Variants in R3HDM2 observed in about 807,000 individuals in gnomAD.
The protein encoded by R3HDM2 is R3H domain-containing protein 2.
Under a neutral mutation model 124.5 loss-of-function variants are expected in R3HDM2, and 38 were observed. The observed-to-expected ratio is 0.31, with a 90% CI of 0.24 to 0.40. The LOEUF (loss-of-function observed/expected upper bound fraction) is 0.40. Among genes scored for constraint, R3HDM2 ranks in the 10% least tolerant of loss-of-function variants. The pLI is 1.00. For synonymous variants in R3HDM2, 391 were observed against 448.0 expected, an observed-to-expected ratio of 0.87 and a Z score of 1.61; for missense variants, 869 against 1,236.9, an observed-to-expected ratio of 0.70 and a Z score of 4.46.
chr12:57,260,389 G>A (rs2040476592), intron 19 of R3HDM2, among the ~76,000 whole-genome samples: 1 of 151,752 alleles, frequency 6.6e-6, no homozygotes, highest in Non-Finnish European at 1.5e-5. Context: ...TCAGGTGACT[G>A]ACTGAATGCG....
rs1264523472 is a variant in R3HDM2, at chr12:57,289,028, C to T, written c.919G>A (p.Gly307Arg). 7 of 1,549,308 alleles carry T rather than the reference C, an allele frequency of 4.5e-6. No homozygotes were observed. Among genetic ancestry groups the T allele is most frequent in the African/African-American group, 4.1e-5 (3 of 72,932 alleles). Residue 307 changes from glycine to arginine, a missense_variant, in exon 12 of 24, where the codon GGA (glycine) becomes AGA (arginine). Coordinates refer to ENST00000402412, the MANE Select transcript of R3HDM2 (RefSeq NM_001394031.1). ...ACTAACCTGATGTCATTTAGATATC[C>T]GTTCTGGCCAGTCTAGGTGAGGGGG... ...RIFARETGQN[G>R]YLNDIRGNRE... is the part of the protein sequence containing the mutation.
rs1050634936 is a variant in R3HDM2, at chr12:57,368,521, A to G, written c.-36+27228T>C. Among the ~76,000 whole-genome samples, 81 of 152,318 alleles carry G rather than the reference A, an allele frequency of 5.3e-4. 1 individual carries two copies. Among genetic ancestry groups the G allele is most frequent in the Non-Finnish European group, 1.9e-4 (13 of 68,030 alleles). Reference sequence around the variant, plus strand: ...CTTTAGGTTACATACTATCAACTCAACCTCAGGAAGGGCTGGAGACTGAGG... The same window carrying G: ...CTTTAGGTTACATACTATCAACTCAGCCTCAGGAAGGGCTGGAGACTGAGG... On this transcript the variant is annotated intron_variant, in intron 2 of 23. Coordinates refer to ENST00000402412, the MANE Select transcript of R3HDM2 (RefSeq NM_001394031.1).
At chr12:57,355,785 C>T (rs752005642) in intron 2 of R3HDM2, among the ~76,000 whole-genome samples, 12 of 152,204 alleles carry the variant, frequency 7.9e-5, no homozygotes, top group Non-Finnish European at 1.5e-4. Context: ...ATGTTTTGAT[C>T]CATAAGCAAT....
At chr12:57,375,548 C>T (rs2063936586) in intron 2 of R3HDM2, among the ~76,000 whole-genome samples, 1 of 152,130 alleles carries the variant, frequency 6.6e-6, no homozygotes, top group South Asian at 2.1e-4. Context: ...GAAGAAGCAG[C>T]GTTTTTTCAA....
chr12:57,406,946 G>C (rs2068574429), intron 1 of R3HDM2, among the ~76,000 whole-genome samples: 1 of 152,052 alleles, frequency 6.6e-6, no homozygotes, highest in African/African-American at 2.4e-5. Context: ...ATAAGTGAGG[G>C]AAAGTCTTTT....
At chr12:57,279,581 T>A (rs2045674959) in intron 14 of R3HDM2, among the ~76,000 whole-genome samples, 1 of 151,074 alleles carries the variant, frequency 6.6e-6, no homozygotes, top group South Asian at 2.1e-4. Context: ...GGAGGGAGGA[T>A]CACTTGAGCC....
chr12:57,319,316 G>A (rs1013396586), intron 2 of R3HDM2, among the ~76,000 whole-genome samples: 18 of 152,138 alleles, frequency 1.2e-4, no homozygotes, highest in Admixed American at 2.0e-4. Context: ...GATTACAGGC[G>A]TGAGCCACTA....
At chr12:57,419,918 G>A (rs1189834344) in intron 1 of R3HDM2, among the ~76,000 whole-genome samples, 1 of 151,812 alleles carries the variant, frequency 6.6e-6, no homozygotes, top group East Asian at 1.9e-4. Flanking sequence ...CTCTTCTCAA[G>A]GCCCCTATTC....
At chr12:57,285,601 T>C (rs1440961932) in intron 12 of R3HDM2, among the ~76,000 whole-genome samples, 1 of 152,056 alleles carries the variant, frequency 6.6e-6, no homozygotes, top group Non-Finnish European at 1.5e-5. Flanking sequence ...AGTTAGGTAC[T>C]CTCCAGGAAC....
intron 2 of R3HDM2, among the ~76,000 whole-genome samples, chr12:57,347,120 C>A (rs2060168461): frequency 6.6e-6 from 1 of 152,054 alleles, no homozygotes; most frequent in African/African-American, 2.4e-5. Context: ...GTGGCATAGG[C>A]CTACAGTCTC....
intron 4 of R3HDM2, among the ~76,000 whole-genome samples, chr12:57,300,506 G>A (rs2050878918): frequency 2.6e-5 from 4 of 152,094 alleles, no homozygotes; most frequent in African/African-American, 9.7e-5. Flanking sequence ...CAAACACACA[G>A]CAACATAGCA....
rs75930674 is a variant in R3HDM2, at chr12:57,286,448, G to A, written c.939-2392C>T. On this transcript the variant is annotated intron_variant, in intron 12 of 23. Transcript: ENST00000402412. ...GCCAGAAAGGTGTAAGGCAATTAGA[G>A]AAGATCAGCTTCTAATCATTAGCGT... Among the ~76,000 whole-genome samples, 1,284 of 152,312 alleles carry A rather than the reference G, an allele frequency of 8.4e-3. 10 individuals are homozygous for A. Among genetic ancestry groups the A allele is most frequent in the Non-Finnish European group, 0.014 (937 of 68,040 alleles).
intron 9 of R3HDM2, 36 bp from the exon 10 acceptor site, chr12:57,295,543 A>G: frequency 6.8e-7 from 1 of 1,460,300 alleles, no homozygotes; most frequent in Non-Finnish European, 9.4e-7. Flanking sequence ...GGAAAGGAGG[A>G]CAAAGACCGT....
chr12:57,303,064 G>C (rs1446624977), intron 4 of R3HDM2, 112 bp downstream of exon 4: 46 of 1,017,512 alleles, frequency 4.5e-5, no homozygotes, highest in Non-Finnish European at 6.9e-5. Flanking sequence ...ACAGAGTACA[G>C]GCAAGAAAAC....
chr12:57,268,478 A>G, intron 17 of R3HDM2, 21 bp from the exon 18 acceptor site: 1 of 1,612,854 alleles, frequency 6.2e-7, no homozygotes, highest in Non-Finnish European at 8.5e-7. Flanking sequence ...AAGAGAAGAG[A>G]AAGAATCACA....
At chr12:57,264,312 T>C (rs1055799321) in intron 19 of R3HDM2, among the ~76,000 whole-genome samples, 3 of 146,230 alleles carry the variant, frequency 2.1e-5, no homozygotes, top group Non-Finnish European at 4.5e-5. Context: ...TCCTAGCACT[T>C]TGGGAGGCCG....
chr12:57,274,962 A>C lies in R3HDM2; in HGVS notation c.1345-4968T>G, dbSNP rs193073932. On this transcript the variant is annotated intron_variant, in intron 14 of 23. Transcript: ENST00000402412. ...CATCATTCTTCGCAGAATTACAAAA[A>C]AAAAATTCTAAAATTCATATGGAAC... is the stretch of plus-strand genomic sequence containing the variant. Among the ~76,000 whole-genome samples the C allele has an allele frequency of 1.6e-3, 250 of 152,324 alleles. 3 individuals are homozygous for C. The highest frequency in any genetic ancestry group is 5.6e-3 in the African/African-American group (234 of 41,580).
At chr12:57,392,821 T>C (rs2066903907) in intron 2 of R3HDM2, among the ~76,000 whole-genome samples, 1 of 151,112 alleles carries the variant, frequency 6.6e-6, no homozygotes, top group South Asian at 2.1e-4. Context: ...TTTTTTTTTT[T>C]TTTGCTAGAG....
At position 57,430,980 on chromosome 12, in the gene R3HDM2, G is replaced by C. The variant is rs971812774; in HGVS notation, c.-366C>G. The C allele has an allele frequency of 6.6e-6, 1 of 152,008 alleles. No individual in the cohort carries two copies. Among genetic ancestry groups the C allele is most frequent in the African/African-American group, 2.4e-5 (1 of 41,274 alleles). The allele number at this position is 152,008 out of a possible 1,614,324, so 9.4% of individuals were successfully genotyped here. A position where few individuals can be genotyped will look rare whatever the true frequency, so the allele number is the denominator to read the frequency against. On this transcript the variant is annotated 5_prime_UTR_variant, in exon 1 of 24. Transcript: ENST00000402412. ...CCGGAAAGGGAGAAAAGGGGGGAGG[G>C]GAAAATCAGAAGGGGAAGAAAAGCC...
Sources: gnomAD v4.1 joint callset for allele counts (sites outside exome capture counted in the v4.1 genomes callset) on GRCh38, gnomAD v4.1.1 for gene constraint, MANE v1.5 for transcripts, NCBI Gene and HGNC (gene_info 2026-07-23, HGNC 2026-07-21) for gene names.